Variants in UACA observed in about 807,000 individuals in gnomAD.
UACA encodes the protein uveal autoantigen with coiled-coil domains and ankyrin repeats, also known as nuclear membrane binding protein.
In UACA, 112 loss-of-function variants were observed where a neutral mutation model predicts 160.5. That is an observed-to-expected ratio of 0.70 (90% confidence interval 0.60 to 0.82). The LOEUF (loss-of-function observed/expected upper bound fraction) is 0.82, where lower values mean the gene tolerates loss of function less well. Ranked by LOEUF, UACA falls within the 40% of genes least tolerant of loss-of-function variation. The pLI is 0.00. For missense variants in UACA, 1,574 were observed against 1,614.6 expected, an observed-to-expected ratio of 0.97 and a Z score of 0.43; for synonymous variants, 557 against 568.4, an observed-to-expected ratio of 0.98 and a Z score of 0.29.
intron 1 of UACA, among the ~76,000 whole-genome samples, chr15:70,707,547 A>G (rs906815051): frequency 6.6e-6 from 1 of 152,158 alleles, no homozygotes; most frequent in Non-Finnish European, 1.5e-5. Flanking sequence ...TACATAAATT[A>G]CATTTTTAAA....
intron 13 of UACA, 150 bp downstream of exon 13, chr15:70,676,343 T>A (rs1897303367): frequency 3.6e-6 from 2 of 558,574 alleles, no homozygotes; most frequent in South Asian, 5.6e-5. Flanking sequence ...ACCCCAGTTT[T>A]GCCAAAGAGG....
the UACA span, among the ~76,000 whole-genome samples, chr15:70,777,604 A>C: frequency 6.6e-6 from 1 of 152,226 alleles, no homozygotes; most frequent in African/African-American, 2.4e-5. Flanking sequence ...GGAAGAGCTC[A>C]TGGTCAGCTG....
chr15:70,664,109 C>T (rs891155981), intron 17 of UACA, among the ~76,000 whole-genome samples: 4 of 152,176 alleles, frequency 2.6e-5, no homozygotes, highest in African/African-American at 7.2e-5. Flanking sequence ...TTCCTTGCCA[C>T]TTCCTTGTAA....
chr15:70,714,085 A>G (rs994655110), intron 1 of UACA, among the ~76,000 whole-genome samples: 3 of 152,198 alleles, frequency 2.0e-5, no homozygotes, highest in Admixed American at 2.0e-4. Flanking sequence ...ATAGTACCCT[A>G]TAATTACCAA....
chr15:70,663,952 T>C (rs1431962111), intron 17 of UACA, among the ~76,000 whole-genome samples: 1 of 152,052 alleles, frequency 6.6e-6, no homozygotes, highest in Non-Finnish European at 1.5e-5. Flanking sequence ...CACACCAACA[T>C]GGTCCATGTA....
At chr15:70,657,242 TCCTCA>T (rs1485754691) in intron 18 of UACA, 115 bp from the exon 19 acceptor site, 6 of 785,730 alleles carry the variant, frequency 7.6e-6, no homozygotes, top group African/African-American at 3.4e-5. Context: ...AAATGCTAAA[TCCTCA>T]TCATTGTGAT....
At chr15:70,659,285 T>C (rs1219793494) in intron 18 of UACA, among the ~76,000 whole-genome samples, 4 of 151,958 alleles carry the variant, frequency 2.6e-5, no homozygotes, top group African/African-American at 7.2e-5. Flanking sequence ...AAGAATTTGA[T>C]ATCATAAAGT....
chr15:70,657,611 A>G (rs1896526806), intron 18 of UACA, among the ~76,000 whole-genome samples: 1 of 151,888 alleles, frequency 6.6e-6, no homozygotes, highest in African/African-American at 2.4e-5. Context: ...CAAAAAGACT[A>G]GTGCACAACA....
the UACA span, among the ~76,000 whole-genome samples, chr15:70,770,794 C>A: frequency 6.6e-6 from 1 of 152,188 alleles, no homozygotes; most frequent in African/African-American, 2.4e-5. Context: ...AGACATTGAG[C>A]TCTAAGAGAA....
At chr15:70,764,655 T>C (rs571009157), upstream of UACA, among the ~76,000 whole-genome samples, 1 of 152,366 alleles carries the variant, frequency 6.6e-6, no homozygotes, top group East Asian at 1.9e-4. Flanking sequence ...AAGAAAGTTT[T>C]CAGAATTTCT....
At chr15:70,665,098 A>G (rs776720103) in intron 16 of UACA, among the ~76,000 whole-genome samples, 4 of 152,218 alleles carry the variant, frequency 2.6e-5, no homozygotes, top group Admixed American at 6.5e-5. Flanking sequence ...TAGCTAATAT[A>G]TAAGCATCTA....
At chr15:70,723,938 T>C (rs1899071508) in intron 1 of UACA, among the ~76,000 whole-genome samples, 1 of 152,172 alleles carries the variant, frequency 6.6e-6, no homozygotes, top group African/African-American at 2.4e-5. Flanking sequence ...GGCCTTGAAC[T>C]TTTTCAAAGA....
At chr15:70,682,724 C>T (rs767418779) in intron 9 of UACA, 34 bp downstream of exon 9, 8 of 1,379,210 alleles carry the variant, frequency 5.8e-6, no homozygotes, top group African/African-American at 3.0e-5. Context: ...CTATACAATA[C>T]ATATAATTAT....
chr15:70,753,638 A>C (rs552038362), intron 1 of UACA, among the ~76,000 whole-genome samples: 2 of 152,284 alleles, frequency 1.3e-5, no homozygotes, highest in East Asian at 3.9e-4. Flanking sequence ...GTGAGGATTG[A>C]GTTACTAGCA....
At chr15:70,748,109 G>T (rs1285436526) in intron 1 of UACA, among the ~76,000 whole-genome samples, 1 of 152,118 alleles carries the variant, frequency 6.6e-6, no homozygotes, top group African/African-American at 2.4e-5. Flanking sequence ...GACCCAAGGT[G>T]GGGCAGTCTG....
chr15:70,673,854 TGTTGGTTG>T (rs568452545), intron 13 of UACA, among the ~76,000 whole-genome samples: 5 of 152,002 alleles, frequency 3.3e-5, no homozygotes, highest in African/African-American at 9.7e-5. Flanking sequence ...CTTAGTAGTT[TGTTGGTTG>T]GTTGGTTGGT....
At chr15:70,657,249 C>A in intron 18 of UACA, 122 bp from the exon 19 acceptor site, 2 of 756,740 alleles carry the variant, frequency 2.6e-6, no homozygotes, top group Non-Finnish European at 4.5e-6. Flanking sequence ...AAATCCTCAT[C>A]ATTGTGATTT....
chr15:70,697,534 C>G (rs1235496027), intron 2 of UACA, among the ~76,000 whole-genome samples: 1 of 152,088 alleles, frequency 6.6e-6, no homozygotes, highest in Non-Finnish European at 1.5e-5. Context: ...ATTTTTGAAA[C>G]CAAATTGAGC....
At chr15:70,774,739 A>G in the UACA span, among the ~76,000 whole-genome samples, 46 of 152,056 alleles carry the variant, frequency 3.0e-4, no homozygotes, top group African/African-American at 1.1e-3. Context: ...AATGATTTAT[A>G]CCTATAATGA....
Sources: gnomAD v4.1 joint callset for allele counts (sites outside exome capture counted in the v4.1 genomes callset) on GRCh38, gnomAD v4.1.1 for gene constraint, MANE v1.5 for transcripts, NCBI Gene and HGNC (gene_info 2026-07-23, HGNC 2026-07-21) for gene names.